CEP57: variants seen among roughly 807,000 people sequenced by gnomAD.
The protein encoded by CEP57 is centrosomal protein 57.
CEP57 carries 40 observed loss-of-function variants against 68.0 expected under a neutral mutation model. The observed-to-expected ratio is 0.59, with a 90% CI of 0.46 to 0.77. The LOEUF (loss-of-function observed/expected upper bound fraction) is 0.77, where lower values mean the gene tolerates loss of function less well. Among genes scored for constraint, CEP57 ranks in the 30% least tolerant of loss-of-function variants. The pLI is 0.00. For missense variants in CEP57, 606 were observed against 580.7 expected (o/e 1.04, Z -0.45); for synonymous variants, 219 against 198.7 (o/e 1.10, Z -0.86).
intron 2 of CEP57, among the ~76,000 whole-genome samples, chr11:95,808,300 C>G (rs1428372226): frequency 3.3e-5 from 5 of 151,954 alleles, no homozygotes; most frequent in Non-Finnish European, 7.4e-5. Flanking sequence ...TAGGAAGAAA[C>G]TGCATCAACT....
At chr11:95,822,723 A>G in intron 8 of CEP57, 147 bp downstream of exon 8, 2 of 742,940 alleles carry the variant, frequency 2.7e-6, no homozygotes, top group South Asian at 3.0e-5. Flanking sequence ...AATGAGATGT[A>G]GGGAGGTTTT....
chr11:95,796,919 A>T (rs1334550685), intron 1 of CEP57, among the ~76,000 whole-genome samples: 1 of 152,220 alleles, frequency 6.6e-6, no homozygotes, highest in East Asian at 1.9e-4. Flanking sequence ...TGGAGGAGAC[A>T]TAGGGCAAGG....
At chr11:95,814,300 C>T (rs1349153382) in intron 4 of CEP57, among the ~76,000 whole-genome samples, 4 of 151,600 alleles carry the variant, frequency 2.6e-5, no homozygotes, top group Non-Finnish European at 5.9e-5. Context: ...CAGGCCGCCT[C>T]GGCCTCCCAA....
At chr11:95,821,809 C>T in intron 6 of CEP57, 62 bp from the exon 7 acceptor site, 1 of 1,161,404 alleles carries the variant, frequency 8.6e-7, no homozygotes, top group Non-Finnish European at 1.3e-6. Flanking sequence ...CATGACACAT[C>T]TGAAATCTGA....
chr11:95,813,946 G>A (rs1271808201), intron 4 of CEP57, among the ~76,000 whole-genome samples: 2 of 152,204 alleles, frequency 1.3e-5, no homozygotes, highest in African/African-American at 4.8e-5. Context: ...CTTCAGAATT[G>A]TTACTTAGCA....
chr11:95,813,694 C>T, intron 4 of CEP57, 105 bp downstream of exon 4: 7 of 1,354,674 alleles, frequency 5.2e-6, no homozygotes, highest in Non-Finnish European at 7.2e-6. Context: ...GCTGTTACAG[C>T]CCAGGACTGA....
At chr11:95,806,763 T>C (rs1033232567) in intron 2 of CEP57, among the ~76,000 whole-genome samples, 2 of 152,250 alleles carry the variant, frequency 1.3e-5, no homozygotes, top group African/African-American at 4.8e-5. Context: ...CAAAGAGGCC[T>C]GCCTGCCTCT....
chr11:95,829,116 A>C (rs2135378138), intron 9 of CEP57, 71 bp from the exon 10 acceptor site: 1 of 1,497,428 alleles, frequency 6.7e-7, no homozygotes, highest in East Asian at 2.3e-5. Flanking sequence ...AGTAACCCAT[A>C]ATGAGGTATA....
intron 6 of CEP57, among the ~76,000 whole-genome samples, chr11:95,821,217 GT>G (rs929266227): frequency 6.6e-5 from 10 of 151,912 alleles, no homozygotes; most frequent in Admixed American, 4.6e-4. Flanking sequence ...GTTTTGTTTT[GT>G]TTTTTTAAAA....
chr11:95,793,920 C>T (rs972479383), intron 1 of CEP57, among the ~76,000 whole-genome samples: 1 of 152,076 alleles, frequency 6.6e-6, no homozygotes, highest in Non-Finnish European at 1.5e-5. Flanking sequence ...GAAGTATGGT[C>T]TCACAACCCT....
chr11:95,811,061 T>G (rs937747584), intron 2 of CEP57, among the ~76,000 whole-genome samples: 25 of 152,154 alleles, frequency 1.6e-4, no homozygotes, highest in Admixed American at 1.6e-3. Context: ...GAAATACCAT[T>G]TGACCCAGCC....
At chr11:95,814,932 C>T (rs767187859) in intron 4 of CEP57, among the ~76,000 whole-genome samples, 8 of 152,182 alleles carry the variant, frequency 5.3e-5, no homozygotes, top group Non-Finnish European at 1.2e-4. Flanking sequence ...GTATAACCTA[C>T]ACCCAATCTC....
chr11:95,829,233 G>C lies in CEP57; in HGVS notation c.1174G>C (p.Glu392Gln). 6.2e-7 allele frequency: 1 copy of C among 1,613,980 alleles called. No individual in the cohort carries two copies. The highest frequency in any genetic ancestry group is 8.5e-7 in the Non-Finnish European group (1 of 1,179,984). Residue 392 changes from glutamate (E) to glutamine (Q), a missense_variant, in exon 10 of 11, where the codon GAA (glutamate) becomes CAA (glutamine). Transcript: ENST00000325542. ...ACTTATCCAGGAGTCGCCAACCGTTGAACTGAAAGACAAGTTGGAGTGTGA... is the reference window on the plus strand; with the variant it reads ...ACTTATCCAGGAGTCGCCAACCGTTCAACTGAAAGACAAGTTGGAGTGTGA... ...AKLIQESPTV[E>Q]LKDKLECELE...
Position 95,817,653 on chromosome 11 carries a change from T to TTAG in CEP57, c.505-134_505-133insTAG. 4.3e-6 allele frequency: 3 copies of TTAG among 704,272 alleles called. No individual in the cohort carries two copies. In the South Asian group the frequency reaches 4.5e-5, roughly 11 times the overall value. 43.6% of individuals were successfully genotyped at this position (704,272 alleles called of 1,614,324 possible). A position where few individuals can be genotyped will look rare whatever the true frequency, so the allele number is the denominator to read the frequency against. ...ATCAGTCATTTATTGATGCCCCCTA[T>TTAG]GGTTTCATCTTAATGTTATTTTCCT... is the stretch of plus-strand genomic sequence containing the variant. On this transcript the variant is annotated intron_variant, in intron 4 of 10. Coordinates refer to ENST00000325542, the MANE Select transcript of CEP57 (RefSeq NM_014679.5).
At chr11:95,796,591 AT>A (rs763615146) in intron 1 of CEP57, among the ~76,000 whole-genome samples, 3 of 152,244 alleles carry the variant, frequency 2.0e-5, no homozygotes, top group Non-Finnish European at 4.4e-5. Flanking sequence ...TATTCAACAG[AT>A]TTATTGAACA....
At position 95,820,072 on chromosome 11, in the gene CEP57, C is replaced by T. The variant is rs115544801; in HGVS notation, c.699+1168C>T. Among the ~76,000 whole-genome samples, 329 of 152,234 alleles carry T rather than the reference C, an allele frequency of 2.2e-3. 1 individual carries two copies. Among genetic ancestry groups the T allele is most frequent in the African/African-American group, 7.7e-3 (321 of 41,532 alleles). On this transcript the variant is annotated intron_variant, in intron 6 of 10. Coordinates refer to ENST00000325542, the MANE Select transcript of CEP57 (RefSeq NM_014679.5). ...CTTGTGGGTTGTGCTTTATTATATG[C>T]ATTGTGGTGTTGAGTACATTATATA...
At position 95,799,303 on chromosome 11, in the gene CEP57, T is replaced by C. The variant is rs962027482; in HGVS notation, c.117T>C (p.Tyr39=). Residue 39 remains tyrosine, a synonymous_variant, in exon 2 of 11, where the codon TAT becomes TAC. Transcript: ENST00000325542. Reference sequence around the variant, plus strand: ...ATTCTTCATCTCCATATGTAGTATATCCTTCGGATAAGCCTTTCCTTAATA... The same window carrying C: ...ATTCTTCATCTCCATATGTAGTATACCCTTCGGATAAGCCTTTCCTTAATA... ...VRHSSSPYVV[Y]PSDKPFLNSD... The C allele has an allele frequency of 1.2e-6, 2 of 1,614,020 alleles. No individual in the cohort carries two copies. The highest frequency in any genetic ancestry group is 2.7e-5 in the African/African-American group (2 of 74,930).
At position 95,793,287 on chromosome 11, in the gene CEP57, A is replaced by T. The variant is rs1591040943; in HGVS notation, c.45+2544A>T. ...ACTATGATTGGGCATAATGAAATTAATTCCATATGGAGGTATGGGCAGCAT... is the reference window on the plus strand; with the variant it reads ...ACTATGATTGGGCATAATGAAATTATTTCCATATGGAGGTATGGGCAGCAT... On this transcript the variant is annotated intron_variant, in intron 1 of 10. Coordinates refer to ENST00000325542, the MANE Select transcript of CEP57 (RefSeq NM_014679.5). 2.6e-5 allele frequency among the ~76,000 whole-genome samples: 4 copies of T among 152,226 alleles called. No individual in the cohort carries two copies. In the South Asian group the frequency reaches 8.3e-4, roughly 31 times the overall value.
At chr11:95,812,779 T>C (rs376620538) in intron 2 of CEP57, 153 bp from the exon 3 acceptor site, 16 of 740,376 alleles carry the variant, frequency 2.2e-5, no homozygotes, top group Admixed American at 1.5e-4. Context: ...AAAACAAATA[T>C]GAGATAATTA....
Sources: gnomAD v4.1 joint callset for allele counts (sites outside exome capture counted in the v4.1 genomes callset) on GRCh38, gnomAD v4.1.1 for gene constraint, MANE v1.5 for transcripts, NCBI Gene and HGNC (gene_info 2026-07-23, HGNC 2026-07-21) for gene names.